Variants in AFF3 observed in about 807,000 individuals in gnomAD.
AFF3 encodes the protein AF4/FMR2 family member 3.
In AFF3, 32 loss-of-function variants were observed where a neutral mutation model predicts 129.7. That is an observed-to-expected ratio of 0.25 (90% CI 0.19 to 0.33). The LOEUF (loss-of-function observed/expected upper bound fraction) is 0.33, where lower values mean the gene tolerates loss of function less well. Among genes scored for constraint, AFF3 ranks in the 10% least tolerant of loss-of-function variants. The probability of loss-of-function intolerance (pLI) is 1.00; values close to 1 mark genes in which losing one functional copy is unlikely to be tolerated. For missense variants in AFF3, 1,373 were observed against 1,592.0 expected (o/e 0.86, Z 2.34); for synonymous variants, 644 against 635.4 (o/e 1.01, Z -0.20).
chr2:99,890,849 C>T (rs1224556597), intron 7 of AFF3, among the ~76,000 whole-genome samples: 1 of 152,150 alleles, frequency 6.6e-6, no homozygotes, highest in Non-Finnish European at 1.5e-5. Flanking sequence ...CATTTCCTTG[C>T]TCACTGGGGC....
intron 7 of AFF3, among the ~76,000 whole-genome samples, chr2:100,003,037 C>T (rs1334073825): frequency 1.7e-5 from 2 of 120,932 alleles, no homozygotes; most frequent in African/African-American, 3.2e-5. Flanking sequence ...TTCCATGAGC[C>T]AAAGACAGAT....
intron 8 of AFF3, among the ~76,000 whole-genome samples, chr2:99,803,605 A>G (rs1033290931): frequency 6.6e-6 from 1 of 152,230 alleles, no homozygotes; most frequent in Non-Finnish European, 1.5e-5. Flanking sequence ...AGGAGCCAAA[A>G]AAGAGGCTGA....
chr2:100,062,174 CAT>C (rs1170844670), intron 4 of AFF3, among the ~76,000 whole-genome samples: 1 of 152,138 alleles, frequency 6.6e-6, no homozygotes, highest in Non-Finnish European at 1.5e-5. Context: ...AGGCAGATCT[CAT>C]AAAATCAGAA....
At chr2:99,790,175 C>A (rs895498085) in intron 8 of AFF3, among the ~76,000 whole-genome samples, 1 of 152,160 alleles carries the variant, frequency 6.6e-6, no homozygotes. Flanking sequence ...GTATACAGCA[C>A]AGATAAGAAA....
chr2:99,801,918 A>T (rs775264794), intron 8 of AFF3, among the ~76,000 whole-genome samples: 7 of 152,206 alleles, frequency 4.6e-5, no homozygotes, highest in Non-Finnish European at 8.8e-5. Flanking sequence ...CTCCCAATAG[A>T]ACTATTTCCT....
intron 11 of AFF3, among the ~76,000 whole-genome samples, chr2:99,719,888 T>C (rs1050228118): frequency 2.0e-5 from 3 of 152,034 alleles, no homozygotes; most frequent in African/African-American, 7.2e-5. Context: ...ATACAAAAAA[T>C]TAGCCGGGCA....
chr2:99,732,362 A>G (rs904381282), intron 10 of AFF3, among the ~76,000 whole-genome samples: 6 of 152,012 alleles, frequency 3.9e-5, no homozygotes, highest in Non-Finnish European at 8.8e-5. Context: ...AAAAAAAAAA[A>G]AAGAATTGTG....
At chr2:99,745,747 T>A (rs2105153616) in intron 9 of AFF3, among the ~76,000 whole-genome samples, 1 of 152,352 alleles carries the variant, frequency 6.6e-6, no homozygotes, top group East Asian at 1.9e-4. Context: ...TACTACACAG[T>A]ATTTTAAGTT....
chr2:99,578,238 T>C (rs1426618005), intron 18 of AFF3, 89 bp downstream of exon 18: 10 of 1,466,928 alleles, frequency 6.8e-6, no homozygotes, highest in Non-Finnish European at 9.0e-6. Context: ...TAGCTGAAGG[T>C]GGCCACACCA....
At chr2:100,015,216 T>C (rs182372187) in intron 4 of AFF3, among the ~76,000 whole-genome samples, 130 of 152,188 alleles carry the variant, frequency 8.5e-4, no homozygotes, top group African/African-American at 3.1e-3. Context: ...TCTGATCCCT[T>C]CCTAAGAGCA....
intron 7 of AFF3, among the ~76,000 whole-genome samples, chr2:99,878,866 T>G (rs1044395154): frequency 5.9e-5 from 9 of 152,240 alleles, no homozygotes; most frequent in Non-Finnish European, 1.2e-4. Context: ...AATAGCCCTT[T>G]GGATTCACTT....
At chr2:99,762,415 G>A (rs1006263353) in intron 8 of AFF3, among the ~76,000 whole-genome samples, 5 of 152,082 alleles carry the variant, frequency 3.3e-5, no homozygotes, top group Non-Finnish European at 5.9e-5. Context: ...ATCAGCCACC[G>A]TGCCCGGCCA....
chr2:99,789,494 G>T (rs1367728557), intron 8 of AFF3, among the ~76,000 whole-genome samples: 2 of 150,294 alleles, frequency 1.3e-5, no homozygotes, highest in Non-Finnish European at 3.0e-5. Flanking sequence ...CAGGCCACTG[G>T]TTCTGCCTTC....
intron 19 of AFF3, among the ~76,000 whole-genome samples, chr2:99,566,511 G>A (rs777439736): frequency 5.9e-5 from 9 of 152,172 alleles, no homozygotes; most frequent in Admixed American, 3.3e-4. Flanking sequence ...TCGCCCCACT[G>A]TGCTCCAACC....
At chr2:99,739,787 T>C (rs557863330) in intron 10 of AFF3, among the ~76,000 whole-genome samples, 30 of 152,232 alleles carry the variant, frequency 2.0e-4, no homozygotes, top group Non-Finnish European at 4.1e-4. Context: ...AAGCTCAGTA[T>C]TTCTCTATTT....
intron 11 of AFF3, among the ~76,000 whole-genome samples, chr2:99,683,244 C>T (rs543099434): frequency 6.6e-6 from 1 of 152,280 alleles, no homozygotes; most frequent in African/African-American, 2.4e-5. Flanking sequence ...CTTAAAGTTG[C>T]TCTGCCTTCT....
intron 8 of AFF3, among the ~76,000 whole-genome samples, chr2:99,788,656 A>T (rs1380982372): frequency 6.6e-6 from 1 of 152,206 alleles, no homozygotes; most frequent in Non-Finnish European, 1.5e-5. Flanking sequence ...ATTACTGAAG[A>T]AACAGAAGTT....
intron 2 of AFF3, among the ~76,000 whole-genome samples, chr2:100,108,802 AT>A (rs1409931572): frequency 6.6e-6 from 1 of 151,832 alleles, no homozygotes; most frequent in Non-Finnish European, 1.5e-5. Flanking sequence ...CAGTCTGCTC[AT>A]CAGACAACAG....
intron 4 of AFF3, among the ~76,000 whole-genome samples, chr2:100,058,567 T>C (rs182040334): frequency 1.7e-3 from 264 of 152,348 alleles, no homozygotes; most frequent in South Asian, 0.017. Context: ...ATCCGAAGTC[T>C]TTCTTTTTTT....
Sources: allele counts gnomAD v4.1 joint callset (sites outside exome capture counted in the v4.1 genomes callset), GRCh38; gene constraint gnomAD v4.1.1; transcripts MANE v1.5; gene names NCBI Gene and HGNC (gene_info 2026-07-23, HGNC 2026-07-21).